SLF2: variants seen among roughly 807,000 people sequenced by gnomAD.
SLF2 encodes SMC5-SMC6 complex localization factor protein 2.
SLF2 carries 68 observed loss-of-function variants against 124.3 expected under a neutral mutation model. That is an observed-to-expected ratio of 0.55 (90% CI 0.45 to 0.67). The LOEUF (loss-of-function observed/expected upper bound fraction) is 0.67. Ranked by LOEUF, SLF2 falls within the 30% of genes least tolerant of loss-of-function variation. The probability of loss-of-function intolerance (pLI) is 0.00; values close to 1 mark genes in which losing one functional copy is unlikely to be tolerated. For missense variants in SLF2, 1,246 were observed against 1,373.7 expected (o/e 0.91, Z 1.47); for synonymous variants, 480 against 478.8 (o/e 1.00, Z -0.03).
chr10:100,929,466 AC>A, intron 7 of SLF2, 27 bp downstream of exon 7: 1 of 1,546,132 alleles, frequency 6.5e-7, no homozygotes, highest in Non-Finnish European at 8.7e-7. Context: ...AATGTATTTT[AC>A]CTTATTAAAG....
intron 19 of SLF2, among the ~76,000 whole-genome samples, chr10:100,961,252 C>T (rs965335050): frequency 2.6e-5 from 4 of 151,838 alleles, no homozygotes; most frequent in African/African-American, 4.8e-5. Context: ...CCTCGTGATC[C>T]GCCCGCCTCG....
chr10:100,924,941 A>G lies in SLF2; in HGVS notation c.1940A>G (p.Lys647Arg), dbSNP rs750469615. The part of the protein sequence containing the change: ...AATGKPPALS[K>R]GLRSQSSDYT... Reference sequence around the variant, plus strand: ...ACAGGAAAGCCTCCTGCTCTTTCCAAGGGGCTTAGATCTCAGTCATCAGAC... The same window carrying G: ...ACAGGAAAGCCTCCTGCTCTTTCCAGGGGGCTTAGATCTCAGTCATCAGAC... The change falls in exon 5 of 20, where the codon AAG becomes AGG. Residue 647 changes from lysine (K) to arginine (R), a missense_variant. Physicochemically the swap from Lys to Arg is conservative, Grantham distance 26 (BLOSUM62 2). Transcript: ENST00000238961. 12 of 1,613,662 alleles carry G rather than the reference A, an allele frequency of 7.4e-6. No homozygotes were observed. The highest frequency in any genetic ancestry group is 6.7e-5 in the African/African-American group (5 of 74,920).
At chr10:100,938,497 C>A in intron 10 of SLF2, 98 bp from the exon 11 acceptor site, 1 of 1,188,350 alleles carries the variant, frequency 8.4e-7, no homozygotes, top group South Asian at 1.6e-5. Flanking sequence ...TCTATAAAAC[C>A]ATTGTAATTA....
At chr10:100,949,440 C>T (rs1264576882) in intron 15 of SLF2, among the ~76,000 whole-genome samples, 1 of 152,100 alleles carries the variant, frequency 6.6e-6, no homozygotes, top group East Asian at 1.9e-4. Flanking sequence ...TCTTGTAGTT[C>T]TTCTCAGAAT....
At chr10:100,956,882 C>G (rs545955848) in intron 18 of SLF2, among the ~76,000 whole-genome samples, 1 of 152,110 alleles carries the variant, frequency 6.6e-6, no homozygotes, top group Non-Finnish European at 1.5e-5. Flanking sequence ...GCTATGAACA[C>G]ACATGGCACT....
intron 18 of SLF2, 144 bp downstream of exon 18, chr10:100,956,681 T>C (rs1218466360): frequency 3.4e-6 from 2 of 581,354 alleles, no homozygotes. Context: ...TCCCAATACT[T>C]TGGGAGGCTG....
Position 100,947,799 on chromosome 10 carries a change from G to A in SLF2, c.3072G>A (p.Lys1024=). ...GCCTCAGTCTAGTGATTATTTCAAA[G>A]CTTTTGGATGAGAAACACGAAGATG... The part of the protein sequence containing the change: ...RQCLSLVIIS[K]LLDEKHEDVP... The change falls in exon 15 of 20, where the codon AAG becomes AAA. Residue 1024 remains lysine (K), a synonymous_variant. Transcript: ENST00000238961. The A allele has an allele frequency of 1.2e-6, 2 of 1,612,176 alleles. No homozygotes were observed. The highest frequency in any genetic ancestry group is 1.7e-6 in the Non-Finnish European group (2 of 1,179,180).
intron 15 of SLF2, 31 bp downstream of exon 15, chr10:100,947,878 A>C (rs971085970): frequency 6.5e-7 from 1 of 1,531,114 alleles, no homozygotes; most frequent in African/African-American, 1.4e-5. Flanking sequence ...ATTTTTAATA[A>C]ATGGGAGAGG....
intron 11 of SLF2, among the ~76,000 whole-genome samples, chr10:100,939,985 T>C (rs1019074658): frequency 2.0e-5 from 3 of 152,174 alleles, no homozygotes; most frequent in African/African-American, 7.2e-5. Context: ...GGAAAAATAG[T>C]TTACCCAGCC....
chr10:100,943,623 T>G (rs1850021020), intron 11 of SLF2: 1 of 154,330 alleles, frequency 6.5e-6, no homozygotes, highest in Non-Finnish European at 1.4e-5. Context: ...CATTTATGAG[T>G]CTTTTACCTA....
intron 9 of SLF2, among the ~76,000 whole-genome samples, chr10:100,934,668 A>G (rs1849809814): frequency 6.6e-6 from 1 of 151,942 alleles, no homozygotes. Context: ...GCTGGAGTGC[A>G]GTGGCACGAT....
chr10:100,963,891 ATC>A lies in SLF2; in HGVS notation c.*1983_*1984del, dbSNP rs931794809. On this transcript the variant is annotated 3_prime_UTR_variant, in exon 20 of 20. Transcript: ENST00000238961. ...ATTTAACAGTTCCAATAAGAAAAAA[ATC>A]TCTATTTTTAATTATATTTCTCCTT... is the stretch of plus-strand genomic sequence containing the variant. The A allele has an allele frequency of 6.6e-6, 1 of 152,518 alleles. No homozygotes were observed. Among genetic ancestry groups the A allele is most frequent in the African/African-American group, 2.4e-5 (1 of 41,412 alleles). The allele number at this position is 152,518 out of a possible 1,614,324, so 9.4% of individuals were successfully genotyped here.
At chr10:100,950,353 A>C (rs113238150) in intron 16 of SLF2, 146 bp downstream of exon 16, 3 of 981,360 alleles carry the variant, frequency 3.1e-6, no homozygotes, top group African/African-American at 1.6e-5. Flanking sequence ...AATATTTTTA[A>C]TTTATCACTG....
intron 11 of SLF2, among the ~76,000 whole-genome samples, chr10:100,942,875 T>A (rs954019678): frequency 2.6e-5 from 4 of 152,218 alleles, no homozygotes; most frequent in Admixed American, 2.6e-4. Flanking sequence ...GCTATCCGCC[T>A]GCCTCAGCCT....
chr10:100,957,119 A>G (rs983933902), intron 18 of SLF2, among the ~76,000 whole-genome samples: 17 of 152,180 alleles, frequency 1.1e-4, no homozygotes, highest in Non-Finnish European at 8.8e-5. Context: ...TACTAATGAT[A>G]CATATTTTTC....
chr10:100,950,829 T>C, intron 17 of SLF2, 76 bp downstream of exon 17: 2 of 1,152,384 alleles, frequency 1.7e-6, no homozygotes, highest in Non-Finnish European at 2.6e-6. Context: ...GCATGCTTTA[T>C]ATAGGAGAAA....
chr10:100,914,647 A>G (rs974809069), intron 1 of SLF2, among the ~76,000 whole-genome samples: 3 of 152,230 alleles, frequency 2.0e-5, no homozygotes, highest in African/African-American at 4.8e-5. Context: ...AGAACCTCCA[A>G]CATTTACTCT....
rs780841319 is a variant in SLF2 at position 100,929,309 on chromosome 10, AT to A, written c.2043-6del. The stretch of plus-strand genomic sequence containing the variant: ...GTAAACTGTTATAACATTCTTTCCA[AT>A]TCTCAGGCTAGATGAACTGCAGAAG... On this transcript the variant is annotated splice_polypyrimidine_tract_variant and splice_region_variant and intron_variant, in intron 6 of 19. Transcript: ENST00000238961. 1.3e-5 allele frequency: 21 copies of A among 1,601,330 alleles called. No individual in the cohort carries two copies. In the South Asian group the frequency reaches 2.4e-4, roughly 18 times the overall value.
intron 9 of SLF2, among the ~76,000 whole-genome samples, chr10:100,933,323 C>T (rs1344414670): frequency 6.6e-6 from 1 of 152,148 alleles, no homozygotes; most frequent in East Asian, 1.9e-4. Context: ...TATTTATTTT[C>T]TGAAAACCAG....
Sources: gnomAD v4.1 joint callset for allele counts (sites outside exome capture counted in the v4.1 genomes callset) on GRCh38, gnomAD v4.1.1 for gene constraint, MANE v1.5 for transcripts, NCBI Gene and HGNC (gene_info 2026-07-23, HGNC 2026-07-21) for gene names.